Variants in MRPL1 observed in about 807,000 individuals in gnomAD.
MRPL1 encodes mitochondrial ribosomal protein L1.
Under a neutral mutation model 38.0 loss-of-function variants are expected in MRPL1, and 28 were observed. That is an observed-to-expected ratio of 0.74 (90% confidence interval 0.55 to 1.01). The LOEUF (loss-of-function observed/expected upper bound fraction) is 1.01, where lower values mean the gene tolerates loss of function less well. Among genes scored for constraint, MRPL1 ranks in the 50% least tolerant of loss-of-function variants. The pLI is 0.00. For synonymous variants in MRPL1, 123 were observed against 126.7 expected, an observed-to-expected ratio of 0.97 and a Z score of 0.20; for missense variants, 358 against 389.8, an observed-to-expected ratio of 0.92 and a Z score of 0.69.
intron 1 of MRPL1, among the ~76,000 whole-genome samples, chr4:77,867,578 G>T (rs1735174519): frequency 6.6e-6 from 1 of 151,528 alleles, no homozygotes. Flanking sequence ...AAGAGACGGG[G>T]TCTCACTATG....
chr4:77,946,519 C>G (rs1737274433), intron 7 of MRPL1, among the ~76,000 whole-genome samples: 1 of 152,130 alleles, frequency 6.6e-6, no homozygotes, highest in East Asian at 1.9e-4. Flanking sequence ...TATTTGGGAA[C>G]TGATAAATGT....
chr4:77,926,736 T>C (rs563450304), intron 7 of MRPL1, among the ~76,000 whole-genome samples: 9 of 151,948 alleles, frequency 5.9e-5, no homozygotes, highest in African/African-American at 2.2e-4. Context: ...AGTCTCCTGT[T>C]TAGCTGGGAC....
intron 7 of MRPL1, among the ~76,000 whole-genome samples, chr4:77,936,847 A>G (rs1467067036): frequency 6.6e-6 from 1 of 152,168 alleles, no homozygotes; most frequent in African/African-American, 2.4e-5. Context: ...AATTTAGACA[A>G]GGTACGATGG....
chr4:77,880,495 C>CT (rs200273544), intron 2 of MRPL1, among the ~76,000 whole-genome samples: 3,729 of 121,596 alleles, frequency 0.031, 125 homozygotes, highest in African/African-American at 0.086. Context: ...TCTGCAAGGT[C>CT]TTTTTTTTTT....
Position 77,952,570 on chromosome 4 carries a change from A to G in MRPL1, c.941A>G (p.Glu314Gly), listed in dbSNP as rs1387098991. The change falls in exon 9 of 9, where the codon GAA becomes GGA. Residue 314 changes from glutamate to glycine, a missense_variant. Physicochemically the swap from Glu to Gly is moderately conservative, Grantham distance 98. Transcript: ENST00000315567. Reference sequence around the variant, plus strand: ...AAGATTGATCCATTGTTGCCTAAAGAAGTAAAAAATGAAGAAAGTGAAAAA... The same window carrying G: ...AAGATTGATCCATTGTTGCCTAAAGGAGTAAAAAATGAAGAAAGTGAAAAA... ...LLKIDPLLPK[E>G]VKNEESEKED... is the part of the protein sequence containing the mutation. 19 of 1,612,562 alleles carry G rather than the reference A, an allele frequency of 1.2e-5. No individual in the cohort carries two copies. The African/African-American group carries it at 2.4e-4, about 20-fold the overall frequency.
chr4:77,946,728 C>T (rs1441338293), intron 7 of MRPL1, among the ~76,000 whole-genome samples: 1 of 152,170 alleles, frequency 6.6e-6, no homozygotes, highest in South Asian at 2.1e-4. Context: ...CTTAGTCCTC[C>T]AAAATATTTG....
chr4:77,875,078 A>G (rs7670157), intron 2 of MRPL1, among the ~76,000 whole-genome samples: 116,247 of 151,918 alleles, frequency 0.77, 45,266 homozygotes, highest in African/African-American at 0.91. Flanking sequence ...GTGAGCCACC[A>G]TGCCTGGCCC....
At chr4:77,887,136 ATAT>A in intron 4 of MRPL1, 81 bp from the exon 5 acceptor site, 1 of 1,077,826 alleles carries the variant, frequency 9.3e-7, no homozygotes, top group South Asian at 1.3e-5. Context: ...TTGAACTGTG[ATAT>A]TATTTCTGAC....
intron 7 of MRPL1, among the ~76,000 whole-genome samples, chr4:77,923,892 C>T (rs781601111): frequency 1.3e-5 from 2 of 151,900 alleles, no homozygotes; most frequent in Admixed American, 1.3e-4. Context: ...TCGGTTGAAC[C>T]TCAGGGGCGG....
At chr4:77,912,332 T>C (rs1736308362) in intron 7 of MRPL1, among the ~76,000 whole-genome samples, 1 of 152,162 alleles carries the variant, frequency 6.6e-6, no homozygotes, top group Non-Finnish European at 1.5e-5. Context: ...TTACATGTTC[T>C]AGCTACTAGA....
intron 2 of MRPL1, among the ~76,000 whole-genome samples, chr4:77,882,985 T>C (rs1735579408): frequency 6.6e-6 from 1 of 152,234 alleles, no homozygotes; most frequent in Non-Finnish European, 1.5e-5. Context: ...GACCTGTTAG[T>C]ATGTCTTTCT....
chr4:77,890,368 A>T (rs1735778746), intron 5 of MRPL1, among the ~76,000 whole-genome samples: 1 of 152,246 alleles, frequency 6.6e-6, no homozygotes, highest in African/African-American at 2.4e-5. Flanking sequence ...TCATATAAAC[A>T]GAACCAAAGA....
chr4:77,899,865 T>C (rs1287737314), intron 6 of MRPL1, among the ~76,000 whole-genome samples: 10 of 152,184 alleles, frequency 6.6e-5, no homozygotes, highest in African/African-American at 2.2e-4. Flanking sequence ...CAGTAAGGGA[T>C]AGCAAAGCCC....
intron 6 of MRPL1, among the ~76,000 whole-genome samples, chr4:77,908,965 C>T (rs1736223576): frequency 6.6e-6 from 1 of 152,216 alleles, no homozygotes; most frequent in Admixed American, 6.5e-5. Flanking sequence ...TGGCAGCTCA[C>T]AGCATTGCAG....
chr4:77,898,595 A>G (rs1560465296), intron 6 of MRPL1, among the ~76,000 whole-genome samples: 1 of 151,922 alleles, frequency 6.6e-6, no homozygotes, highest in Non-Finnish European at 1.5e-5. Context: ...GGTTCATACA[A>G]TTCTCCTGCC....
At chr4:77,888,754 G>A (rs961356576) in intron 5 of MRPL1, among the ~76,000 whole-genome samples, 113 of 152,084 alleles carry the variant, frequency 7.4e-4, no homozygotes, top group African/African-American at 2.6e-3. Context: ...GGGTAGATGT[G>A]CACAGCATGC....
At chr4:77,916,840 A>G (rs1736433858) in intron 7 of MRPL1, among the ~76,000 whole-genome samples, 2 of 152,232 alleles carry the variant, frequency 1.3e-5, no homozygotes, top group South Asian at 2.1e-4. Flanking sequence ...AGGTAAATTT[A>G]TAGAAATAGA....
At chr4:77,922,812 G>A (rs533311378) in intron 7 of MRPL1, among the ~76,000 whole-genome samples, 3 of 152,160 alleles carry the variant, frequency 2.0e-5, no homozygotes, top group Non-Finnish European at 4.4e-5. Context: ...AGGCGGAAGG[G>A]TTATTATCAG....
intron 8 of MRPL1, among the ~76,000 whole-genome samples, 153 bp downstream of exon 8, chr4:77,950,031 C>G (rs1737370530): frequency 6.6e-6 from 1 of 151,992 alleles, no homozygotes; most frequent in Admixed American, 6.6e-5. Flanking sequence ...TTTATATTTC[C>G]AGGGATTAAA....
Sources: allele counts gnomAD v4.1 joint callset (sites outside exome capture counted in the v4.1 genomes callset), GRCh38; gene constraint gnomAD v4.1.1; transcripts MANE v1.5; gene names NCBI Gene and HGNC (gene_info 2026-07-23, HGNC 2026-07-21).